Variants in MGAT4C observed in about 807,000 individuals in gnomAD.
MGAT4C encodes alpha-1,3-mannosyl-glycoprotein 4-beta-N-acetylglucosaminyltransferase C.
Under a neutral mutation model 40.1 loss-of-function variants are expected in MGAT4C, and 19 were observed. The observed-to-expected ratio is 0.47, with a 90% CI of 0.33 to 0.70. MGAT4C has a LOEUF of 0.70. Among genes scored for constraint, MGAT4C ranks in the 30% least tolerant of loss-of-function variants. MGAT4C has a pLI of 0.02. For synonymous variants in MGAT4C, 181 were observed against 187.1 expected, an observed-to-expected ratio of 0.97 and a Z score of 0.27; for missense variants, 491 against 563.2, an observed-to-expected ratio of 0.87 and a Z score of 1.30.
chr12:86,507,337 C>A (rs1294981472), intron 2 of MGAT4C, among the ~76,000 whole-genome samples: 1 of 152,134 alleles, frequency 6.6e-6, no homozygotes, highest in Admixed American at 6.6e-5. Flanking sequence ...GTTTTCCATT[C>A]CACTAATATT....
chr12:86,343,212 G>C (rs1475932268), intron 3 of MGAT4C, among the ~76,000 whole-genome samples: 1 of 152,136 alleles, frequency 6.6e-6, no homozygotes, highest in Non-Finnish European at 1.5e-5. Context: ...TACATATACT[G>C]GTTGAGCATG....
intron 3 of MGAT4C, among the ~76,000 whole-genome samples, chr12:86,415,170 T>C (rs1403607643): frequency 6.6e-6 from 1 of 151,970 alleles, no homozygotes; most frequent in Admixed American, 6.6e-5. Context: ...ATTCTGATTG[T>C]CTATCAAAAG....
chr12:86,240,046 TA>T (rs1951719074), intron 1 of MGAT4C, among the ~76,000 whole-genome samples: 2 of 136,130 alleles, frequency 1.5e-5, no homozygotes, highest in African/African-American at 2.7e-5. Flanking sequence ...AAATAAAAAA[TA>T]AAATAAAATA....
intron 2 of MGAT4C, among the ~76,000 whole-genome samples, chr12:86,038,927 G>T (rs1445591311): frequency 6.7e-6 from 1 of 148,892 alleles, no homozygotes; most frequent in Non-Finnish European, 1.5e-5. Flanking sequence ...GGCAGGCCTG[G>T]TGGTGAGAAA....
chr12:86,389,615 C>T (rs1425035869), intron 3 of MGAT4C, among the ~76,000 whole-genome samples: 2 of 152,078 alleles, frequency 1.3e-5, no homozygotes, highest in Admixed American at 1.3e-4. Flanking sequence ...TGAGGAATTG[C>T]CAAACTGTCT....
Position 85,964,222 on chromosome 12 carries a change from T to C in MGAT4C, c.*15067A>G, listed in dbSNP as rs548116581. 20 of 152,268 alleles carry C rather than the reference T, an allele frequency of 1.3e-4. No homozygotes were observed. Among genetic ancestry groups the C allele is most frequent in the African/African-American group, 4.8e-4 (20 of 41,584 alleles). The allele number at this position is 152,268 out of a possible 1,614,324, so 9.4% of individuals were successfully genotyped here. A position where few individuals can be genotyped will look rare whatever the true frequency, so the allele number is the denominator to read the frequency against. ...GAGATACTAAATGATATTCTTTTCA[T>C]CTGTGGTTACTGCTAAAAAATTCTT... On this transcript the variant is annotated 3_prime_UTR_variant, in exon 5 of 5. Transcript: ENST00000611864.
intron 3 of MGAT4C, among the ~76,000 whole-genome samples, chr12:86,367,315 A>G (rs79651569): frequency 0.011 from 1,703 of 152,262 alleles, 19 homozygotes; most frequent in East Asian, 0.045. Context: ...GTGGGCCTCA[A>G]TAGCACATTC....
intron 2 of MGAT4C, among the ~76,000 whole-genome samples, chr12:86,619,802 C>T (rs1962580265): frequency 2.0e-5 from 3 of 151,906 alleles, no homozygotes; most frequent in Admixed American, 6.6e-5. Flanking sequence ...ATTCTGTTTC[C>T]CCTGGCAGGA....
chr12:86,421,965 T>C (rs1338852228), intron 3 of MGAT4C, among the ~76,000 whole-genome samples: 2 of 152,228 alleles, frequency 1.3e-5, no homozygotes, highest in East Asian at 3.8e-4. Context: ...TCTCAATTAC[T>C]TAAATGTATG....
chr12:86,555,795 T>C (rs1959582074), intron 2 of MGAT4C, among the ~76,000 whole-genome samples: 1 of 152,180 alleles, frequency 6.6e-6, no homozygotes, highest in Admixed American at 6.5e-5. Context: ...TAGTCTGGGC[T>C]TCCAGAGCTT....
At position 85,969,497 on chromosome 12, in the gene MGAT4C, T is replaced by A. The variant is rs919714152; in HGVS notation, c.*9792A>T. 4 of 151,600 alleles carry A rather than the reference T, an allele frequency of 2.6e-5. No homozygotes were observed. Among genetic ancestry groups the A allele is most frequent in the Admixed American group, 2.0e-4 (3 of 15,168 alleles). 9.4% of individuals were successfully genotyped at this position (151,600 alleles called of 1,614,324 possible). A position where few individuals can be genotyped will look rare whatever the true frequency, so the allele number is the denominator to read the frequency against. On this transcript the variant is annotated 3_prime_UTR_variant, in exon 5 of 5. Transcript: ENST00000611864. ...GAGCCCATGAGTTTTTATTTTCTTT[T>A]TGGAATAACAGAAATTAGGTTGTGG...
intron 2 of MGAT4C, among the ~76,000 whole-genome samples, chr12:86,657,387 G>A (rs898184773): frequency 2.0e-5 from 3 of 151,718 alleles, no homozygotes; most frequent in Admixed American, 6.6e-5. Context: ...TATTTAAAAA[G>A]AGGAAGTAAA....
At chr12:86,569,978 T>A (rs185490380) in intron 2 of MGAT4C, among the ~76,000 whole-genome samples, 28 of 152,218 alleles carry the variant, frequency 1.8e-4, no homozygotes, top group African/African-American at 6.5e-4. Flanking sequence ...ATCTCACTTA[T>A]ATATAGAATC....
chr12:86,697,635 A>G (rs994874813), intron 2 of MGAT4C, among the ~76,000 whole-genome samples: 1 of 152,138 alleles, frequency 6.6e-6, no homozygotes, highest in African/African-American at 2.4e-5. Flanking sequence ...GAAAAGTTAC[A>G]TGATAAATTA....
At chr12:86,337,213 T>G (rs1954808389) in intron 3 of MGAT4C, among the ~76,000 whole-genome samples, 1 of 151,894 alleles carries the variant, frequency 6.6e-6, no homozygotes, top group African/African-American at 2.4e-5. Context: ...AGTTACAAAG[T>G]GTTTGAAGAA....
chr12:86,313,934 G>C (rs2136153101), intron 4 of MGAT4C, among the ~76,000 whole-genome samples: 1 of 152,320 alleles, frequency 6.6e-6, no homozygotes, highest in African/African-American at 2.4e-5. Flanking sequence ...GACCTAAGTA[G>C]TAGTTGGAAT....
At chr12:86,009,934 G>A (rs1888289282) in intron 2 of MGAT4C, among the ~76,000 whole-genome samples, 1 of 152,138 alleles carries the variant, frequency 6.6e-6, no homozygotes, top group Non-Finnish European at 1.5e-5. Context: ...TATCTTTAAA[G>A]TGGTATCACA....
intron 1 of MGAT4C, among the ~76,000 whole-genome samples, chr12:86,071,926 T>G (rs1353958797): frequency 6.6e-6 from 1 of 152,080 alleles, no homozygotes; most frequent in Non-Finnish European, 1.5e-5. Context: ...TTCTTAGTAC[T>G]AGGAAATGGC....
intron 4 of MGAT4C, among the ~76,000 whole-genome samples, chr12:86,275,944 CAAAAAAAA>C (rs748476574): frequency 0.023 from 1,565 of 69,212 alleles, 45 homozygotes; most frequent in African/African-American, 0.076. Flanking sequence ...ACTAAAAATC[CAAAAAAAA>C]AAAAAAAAAA....
Sources: gnomAD v4.1 joint callset for allele counts (sites outside exome capture counted in the v4.1 genomes callset) on GRCh38, gnomAD v4.1.1 for gene constraint, MANE v1.5 for transcripts, NCBI Gene and HGNC (gene_info 2026-07-23, HGNC 2026-07-21) for gene names.